The following SMPD3 variants were observed in gnomAD, a reference collection of about 807,000 sequenced individuals.
The protein encoded by SMPD3 is nSMase-2.
SMPD3 carries 21 observed loss-of-function variants against 55.7 expected under a neutral mutation model. That is an observed-to-expected ratio of 0.38 (90% CI 0.27 to 0.54). SMPD3 has a LOEUF of 0.54. SMPD3 is among the 20% of genes least tolerant of loss of function. SMPD3 has a pLI of 0.80. For synonymous variants in SMPD3, 457 were observed against 404.3 expected (o/e 1.13, Z -1.56); for missense variants, 842 against 899.6 (o/e 0.94, Z 0.82).
intron 1 of SMPD3, among the ~76,000 whole-genome samples, chr16:68,402,527 T>C (rs1168555969): frequency 6.6e-6 from 1 of 152,070 alleles, no homozygotes; most frequent in African/African-American, 2.4e-5. Flanking sequence ...AGTGGTCTGT[T>C]TGGTAGTGAT....
chr16:68,388,329 T>C (rs1056932297), intron 1 of SMPD3, among the ~76,000 whole-genome samples: 10 of 152,128 alleles, frequency 6.6e-5, no homozygotes, highest in African/African-American at 2.4e-4. Flanking sequence ...TCCCGGCCTG[T>C]CCTCTGTCCC....
rs376964709 is a variant in SMPD3, at chr16:68,359,763, G to A, written c.*1443C>T. ...AAAACAGTCCCTCAAGTTGAGTCTC[G>A]AACTTTGAAACAGACAAAACCTTCG... On this transcript the variant is annotated 3_prime_UTR_variant, in exon 9 of 9. Coordinates refer to ENST00000219334, the MANE Select transcript of SMPD3 (RefSeq NM_018667.4). The A allele has an allele frequency of 1.3e-5, 2 of 152,682 alleles. No individual in the cohort carries two copies. Among genetic ancestry groups the A allele is most frequent in the East Asian group, 1.9e-4 (1 of 5,260 alleles). 9.5% of individuals were successfully genotyped at this position (152,682 alleles called of 1,614,324 possible).
At chr16:68,380,665 G>A (rs780000825) in intron 2 of SMPD3, among the ~76,000 whole-genome samples, 8 of 152,230 alleles carry the variant, frequency 5.3e-5, no homozygotes, top group South Asian at 2.1e-4. Context: ...AGGTTCTGCT[G>A]TTGAGATTTC....
At chr16:68,406,052 G>T (rs756460090) in intron 1 of SMPD3, among the ~76,000 whole-genome samples, 4 of 152,144 alleles carry the variant, frequency 2.6e-5, no homozygotes, top group Non-Finnish European at 5.9e-5. Flanking sequence ...ACAGCAGGGC[G>T]GGCAGTTGAA....
intron 1 of SMPD3, among the ~76,000 whole-genome samples, chr16:68,396,019 G>A (rs1365452686): frequency 2.0e-5 from 3 of 151,966 alleles, no homozygotes; most frequent in African/African-American, 4.8e-5. Context: ...CAGCCTCAGC[G>A]GGTGTAGCCC....
intron 3 of SMPD3, among the ~76,000 whole-genome samples, chr16:68,366,760 A>G (rs1404866416): frequency 6.6e-6 from 1 of 152,158 alleles, no homozygotes; most frequent in Non-Finnish European, 1.5e-5. Flanking sequence ...CTGTAATCCC[A>G]GCATTTTGGG....
Position 68,358,497 on chromosome 16 carries a change from G to C in SMPD3, c.*2709C>G, listed in dbSNP as rs779794823. The C allele has an allele frequency of 3.3e-5, 5 of 152,622 alleles. No homozygotes were observed. The highest frequency in any genetic ancestry group is 7.3e-5 in the Non-Finnish European group (5 of 68,038). 9.5% of individuals were successfully genotyped at this position (152,622 alleles called of 1,614,324 possible). Reference sequence around the variant, plus strand: ...TGATAATGTTTTTACCAAAACCATAGGTGTGCTTACCATAGAAAACCCCTA... The same window carrying C: ...TGATAATGTTTTTACCAAAACCATACGTGTGCTTACCATAGAAAACCCCTA... On this transcript the variant is annotated 3_prime_UTR_variant, in exon 9 of 9. Transcript: ENST00000219334.
chr16:68,443,119 C>T (rs952817137), intron 1 of SMPD3, among the ~76,000 whole-genome samples: 2 of 152,280 alleles, frequency 1.3e-5, no homozygotes, highest in East Asian at 1.9e-4. Flanking sequence ...TCTCAGAAAC[C>T]GGCCCCTGTG....
chr16:68,363,586 GTC>G, intron 6 of SMPD3, 27 bp from the exon 7 acceptor site: 1 of 1,607,704 alleles, frequency 6.2e-7, no homozygotes, highest in Non-Finnish European at 8.5e-7. Flanking sequence ...GGTGACAGTG[GTC>G]GCTGCAGGCA....
intron 1 of SMPD3, among the ~76,000 whole-genome samples, chr16:68,419,406 T>A (rs892710271): frequency 2.6e-5 from 4 of 152,322 alleles, no homozygotes; most frequent in African/African-American, 9.6e-5. Flanking sequence ...AAACAGGTGA[T>A]GGCTGGGTGG....
chr16:68,416,989 C>T (rs907076347), intron 1 of SMPD3, among the ~76,000 whole-genome samples: 1 of 152,138 alleles, frequency 6.6e-6, no homozygotes, highest in Admixed American at 6.5e-5. Context: ...GGGTGGCTGC[C>T]GTGGTTTCCA....
rs1567765667 is a variant in SMPD3, at chr16:68,359,292, C to T, written c.*1914G>A. The T allele has an allele frequency of 6.6e-6, 1 of 152,578 alleles. No individual in the cohort carries two copies. Among genetic ancestry groups the T allele is most frequent in the Non-Finnish European group, 1.5e-5 (1 of 68,254 alleles). 9.5% of individuals were successfully genotyped at this position (152,578 alleles called of 1,614,324 possible). On this transcript the variant is annotated 3_prime_UTR_variant, in exon 9 of 9. Coordinates refer to ENST00000219334, the MANE Select transcript of SMPD3 (RefSeq NM_018667.4). ...TTGGGGGCCTCCACATCATGAATCCCAGTCAAGGCTCACAGGCCAGCCCCT... is the reference window on the plus strand; with the variant it reads ...TTGGGGGCCTCCACATCATGAATCCTAGTCAAGGCTCACAGGCCAGCCCCT...
intron 1 of SMPD3, among the ~76,000 whole-genome samples, chr16:68,409,572 A>G (rs1376999414): frequency 2.0e-5 from 3 of 152,188 alleles, no homozygotes; most frequent in Non-Finnish European, 4.4e-5. Context: ...TGCCCGACTC[A>G]GATGCACTTG....
chr16:68,392,835 GAAAAAAAA>G (rs60841057), intron 1 of SMPD3, among the ~76,000 whole-genome samples: 1 of 88,292 alleles, frequency 1.1e-5, no homozygotes, highest in African/African-American at 5.1e-5. Flanking sequence ...CGCTGTCTGG[GAAAAAAAA>G]AAAAAAAAAA....
intron 1 of SMPD3, among the ~76,000 whole-genome samples, chr16:68,424,188 C>A (rs7191185): frequency 6.6e-6 from 1 of 151,168 alleles, no homozygotes; most frequent in Non-Finnish European, 1.5e-5. Flanking sequence ...CCTGAATCCT[C>A]TCTTTGGCCA....
intron 1 of SMPD3, among the ~76,000 whole-genome samples, chr16:68,429,582 T>C (rs1055988851): frequency 2.0e-5 from 3 of 152,192 alleles, no homozygotes; most frequent in Non-Finnish European, 4.4e-5. Flanking sequence ...CCACAGGCCC[T>C]TACTCCTGCA....
chr16:68,413,525 T>C (rs1466886846), intron 1 of SMPD3, among the ~76,000 whole-genome samples: 2 of 144,774 alleles, frequency 1.4e-5, no homozygotes, highest in African/African-American at 5.8e-5. Flanking sequence ...TCAGAAAACA[T>C]AGAAAATCAT....
At chr16:68,433,360 C>T (rs2090495650) in intron 1 of SMPD3, among the ~76,000 whole-genome samples, 1 of 152,220 alleles carries the variant, frequency 6.6e-6, no homozygotes, top group Non-Finnish European at 1.5e-5. Flanking sequence ...ACTGCAGGCA[C>T]ATCTACCTGC....
intron 1 of SMPD3, among the ~76,000 whole-genome samples, chr16:68,446,006 C>T (rs1341460482): frequency 6.6e-6 from 1 of 152,130 alleles, no homozygotes; most frequent in Non-Finnish European, 1.5e-5. Flanking sequence ...CTGTGACTGA[C>T]CAGCAACGTC....
Sources: allele counts gnomAD v4.1 joint callset (sites outside exome capture counted in the v4.1 genomes callset), GRCh38; gene constraint gnomAD v4.1.1; transcripts MANE v1.5; gene names NCBI Gene and HGNC (gene_info 2026-07-23, HGNC 2026-07-21).